Variants in RAB38 observed in about 807,000 individuals in gnomAD.
RAB38 encodes the protein RAB38, member RAS oncogene family.
A neutral mutation model predicts 18.4 loss-of-function variants in RAB38; 15 were observed. That is an observed-to-expected ratio of 0.82 (90% CI 0.55 to 1.26). RAB38 has a LOEUF of 1.26. RAB38 is among the 50% of genes most tolerant of loss of function. The pLI is 0.00. For synonymous variants in RAB38, 101 were observed against 104.4 expected (o/e 0.97, Z 0.20); for missense variants, 294 against 267.4 (o/e 1.10, Z -0.69).
the RAB38 span, among the ~76,000 whole-genome samples, chr11:88,043,568 C>G: frequency 6.6e-6 from 1 of 151,974 alleles, no homozygotes; most frequent in Non-Finnish European, 1.5e-5. Flanking sequence ...CTGGCTCATC[C>G]TGGCTCAAAA....
At chr11:87,937,311 CATATATATATATAT>C in the RAB38 span, among the ~76,000 whole-genome samples, 45 of 82,686 alleles carry the variant, frequency 5.4e-4, 3 homozygotes, top group African/African-American at 1.4e-3. Flanking sequence ...ACTTGGTCAT[CATATATATATATAT>C]ATATATATAT....
the RAB38 span, among the ~76,000 whole-genome samples, chr11:87,867,354 A>C: frequency 6.6e-6 from 1 of 151,744 alleles, no homozygotes; most frequent in Non-Finnish European, 1.5e-5. Flanking sequence ...GGGACATTAG[A>C]TACAAGACAG....
the RAB38 span, among the ~76,000 whole-genome samples, chr11:87,902,244 C>T: frequency 2.1e-4 from 32 of 151,472 alleles, no homozygotes; most frequent in African/African-American, 7.2e-4. Context: ...ATAATAAGGC[C>T]ACCAAACTTT....
chr11:88,050,677 A>G, the RAB38 span, among the ~76,000 whole-genome samples: 1 of 152,210 alleles, frequency 6.6e-6, no homozygotes, highest in African/African-American at 2.4e-5. Flanking sequence ...TCAGTCTTTC[A>G]TCTAGCTCCT....
chr11:87,831,601 C>A, the RAB38 span, among the ~76,000 whole-genome samples: 9 of 152,102 alleles, frequency 5.9e-5, no homozygotes, highest in African/African-American at 1.7e-4. Flanking sequence ...AGATAGGAGA[C>A]CATTTGGCTT....
chr11:88,043,600 TGACCCCCC>T, the RAB38 span, among the ~76,000 whole-genome samples: 1 of 114,464 alleles, frequency 8.7e-6, no homozygotes, highest in African/African-American at 2.6e-5. Flanking sequence ...GAGCACCTTG[TGACCCCCC>T]CACCCTGCCC....
At chr11:88,010,463 T>C in the RAB38 span, among the ~76,000 whole-genome samples, 1 of 152,180 alleles carries the variant, frequency 6.6e-6, no homozygotes, top group Non-Finnish European at 1.5e-5. Context: ...AAGTACTTTG[T>C]TCAAAACATA....
At chr11:87,827,257 G>A in the RAB38 span, among the ~76,000 whole-genome samples, 3 of 151,980 alleles carry the variant, frequency 2.0e-5, no homozygotes, top group Non-Finnish European at 4.4e-5. Flanking sequence ...TTAAGTTGAA[G>A]CTGAAGACTT....
At chr11:88,036,739 T>C in the RAB38 span, among the ~76,000 whole-genome samples, 12 of 152,016 alleles carry the variant, frequency 7.9e-5, no homozygotes, top group African/African-American at 2.9e-4. Flanking sequence ...ATTATTTACT[T>C]GAGAACTATT....
chr11:88,134,523 G>A (rs1942809228), intron 2 of RAB38, among the ~76,000 whole-genome samples: 1 of 152,162 alleles, frequency 6.6e-6, no homozygotes, highest in Admixed American at 6.5e-5. Flanking sequence ...GATTACAGGC[G>A]TGAGCCACAT....
At chr11:87,958,052 T>C in the RAB38 span, among the ~76,000 whole-genome samples, 1 of 152,138 alleles carries the variant, frequency 6.6e-6, no homozygotes, top group African/African-American at 2.4e-5. Context: ...ATGCATTCTG[T>C]AAAAACTGTA....
At chr11:88,029,614 A>G in the RAB38 span, among the ~76,000 whole-genome samples, 1 of 152,182 alleles carries the variant, frequency 6.6e-6, no homozygotes, top group Non-Finnish European at 1.5e-5. Context: ...AAACCAACAA[A>G]GATCAAAAGA....
chr11:87,952,319 C>A, the RAB38 span, among the ~76,000 whole-genome samples: 6 of 152,156 alleles, frequency 3.9e-5, no homozygotes, highest in Non-Finnish European at 8.8e-5. Context: ...TCAAATGCAG[C>A]CAGCAGTAAA....
chr11:88,012,918 A>T, the RAB38 span, among the ~76,000 whole-genome samples: 8 of 152,288 alleles, frequency 5.3e-5, no homozygotes, highest in East Asian at 1.4e-3. Flanking sequence ...AAAGAATTTC[A>T]AACAAAGGAC....
the RAB38 span, among the ~76,000 whole-genome samples, chr11:87,975,865 C>T: frequency 6.6e-6 from 1 of 151,368 alleles, no homozygotes; most frequent in Non-Finnish European, 1.5e-5. Context: ...AGAGAAACAA[C>T]ACAAATTAGC....
the RAB38 span, among the ~76,000 whole-genome samples, chr11:87,856,452 T>C: frequency 9.6e-4 from 146 of 152,282 alleles, 1 homozygote; most frequent in African/African-American, 3.3e-3. Context: ...TAAATATTTA[T>C]TAACGTAAGC....
At chr11:87,838,307 A>G in the RAB38 span, among the ~76,000 whole-genome samples, 21 of 151,588 alleles carry the variant, frequency 1.4e-4, no homozygotes, top group Non-Finnish European at 2.2e-4. Flanking sequence ...GTAGAGACGG[A>G]GTTTCACCGT....
At chr11:88,162,162 T>C (rs752318453) in intron 1 of RAB38, among the ~76,000 whole-genome samples, 12 of 152,172 alleles carry the variant, frequency 7.9e-5, no homozygotes, top group African/African-American at 1.4e-4. Flanking sequence ...TTCCAGTTTT[T>C]AATAAAAGCC....
the RAB38 span, among the ~76,000 whole-genome samples, chr11:88,074,046 TA>T: frequency 0.41 from 58,167 of 142,900 alleles, 11,327 homozygotes; most frequent in East Asian, 0.51. Context: ...GAAAATTCCC[TA>T]AAAAAAAAAA....
Sources: allele counts gnomAD v4.1 joint callset (sites outside exome capture counted in the v4.1 genomes callset), GRCh38; gene constraint gnomAD v4.1.1; transcripts MANE v1.5; gene names NCBI Gene and HGNC (gene_info 2026-07-23, HGNC 2026-07-21).